The following TBC1D22A variants were observed in gnomAD, a reference collection of about 807,000 sequenced individuals.
TBC1D22A encodes putative GTPase activator.
A neutral mutation model predicts 60.2 loss-of-function variants in TBC1D22A; 38 were observed. The observed-to-expected ratio is 0.63, with a 90% CI of 0.49 to 0.83. The LOEUF is 0.83. Among genes scored for constraint, TBC1D22A ranks in the 40% least tolerant of loss-of-function variants. The pLI, the probability that TBC1D22A is intolerant of heterozygous loss-of-function variation, is 0.00. For missense variants in TBC1D22A, 628 were observed against 701.0 expected (o/e 0.90, Z 1.18); for synonymous variants, 302 against 281.7 (o/e 1.07, Z -0.72).
intron 4 of TBC1D22A, among the ~76,000 whole-genome samples, chr22:46,802,226 G>C (rs948115007): frequency 6.6e-6 from 1 of 152,240 alleles, no homozygotes; most frequent in South Asian, 2.1e-4. Flanking sequence ...TCGGCGGCGA[G>C]GCTTGCGAGG....
At chr22:46,947,340 G>A (rs1267763967) in intron 8 of TBC1D22A, among the ~76,000 whole-genome samples, 2 of 152,160 alleles carry the variant, frequency 1.3e-5, no homozygotes, top group Admixed American at 6.5e-5. Context: ...AGGGTCATCC[G>A]AGTAGAGCCA....
chr22:47,020,794 A>T (rs1179658307), intron 10 of TBC1D22A, among the ~76,000 whole-genome samples: 1 of 151,562 alleles, frequency 6.6e-6, no homozygotes, highest in Non-Finnish European at 1.5e-5. Flanking sequence ...GTCTGAACTT[A>T]ATTCTAATCG....
At chr22:47,087,989 C>T (rs781170243) in intron 11 of TBC1D22A, among the ~76,000 whole-genome samples, 10 of 151,982 alleles carry the variant, frequency 6.6e-5, no homozygotes, top group Non-Finnish European at 1.2e-4. Context: ...AGGAGAATGG[C>T]GAGAACCCGG....
In TBC1D22A at chr22:47,019,368, CCTT is replaced by C. The variant is rs1303028080; in HGVS notation, c.1202-17699_1202-17697del. On this transcript the variant is annotated intron_variant, in intron 10 of 12. Coordinates refer to ENST00000337137, the MANE Select transcript of TBC1D22A (RefSeq NM_014346.5). ...TGGACAGTGATGAGCTAGACAAGGT[CCTT>C]CTTAGGGAACTCTTCTCTGATGAGA... Among the ~76,000 whole-genome samples the C allele has an allele frequency of 8.5e-5, 13 of 152,362 alleles. 1 individual carries two copies. In the East Asian group the frequency reaches 1.5e-3, roughly 18 times the overall value.
At chr22:47,061,501 A>C (rs1457816267) in intron 11 of TBC1D22A, among the ~76,000 whole-genome samples, 1 of 152,020 alleles carries the variant, frequency 6.6e-6, no homozygotes, top group African/African-American at 2.4e-5. Flanking sequence ...AGCAGCTCTC[A>C]CAGAAGCTTC....
chr22:46,885,935 TCTCA>T (rs2147553405), intron 5 of TBC1D22A, among the ~76,000 whole-genome samples: 1 of 143,702 alleles, frequency 7.0e-6, no homozygotes, highest in African/African-American at 2.7e-5. Flanking sequence ...TGAGGCGGAG[TCTCA>T]CTCTGTCGCC....
At chr22:46,951,058 G>A (rs1003334464) in intron 8 of TBC1D22A, among the ~76,000 whole-genome samples, 2 of 152,160 alleles carry the variant, frequency 1.3e-5, no homozygotes, top group Non-Finnish European at 1.5e-5. Flanking sequence ...CAGCACTTCC[G>A]GAGCTTTCAG....
chr22:46,998,460 T>C (rs2075195638), intron 10 of TBC1D22A, among the ~76,000 whole-genome samples: 1 of 152,300 alleles, frequency 6.6e-6, no homozygotes, highest in South Asian at 2.1e-4. Flanking sequence ...AAGAGTCCCA[T>C]GCGCGCTTGG....
intron 11 of TBC1D22A, among the ~76,000 whole-genome samples, chr22:47,060,553 C>G (rs922247500): frequency 2.6e-5 from 4 of 152,188 alleles, no homozygotes; most frequent in African/African-American, 9.7e-5. Context: ...ACCTCAGCCT[C>G]CCGAGTAGCT....
intron 11 of TBC1D22A, among the ~76,000 whole-genome samples, chr22:47,057,972 G>A (rs1053458994): frequency 6.6e-6 from 1 of 152,202 alleles, no homozygotes; most frequent in African/African-American, 2.4e-5. Flanking sequence ...CAGGCCCCAC[G>A]AGGATCTCAG....
chr22:46,856,105 C>A (rs1038064400), intron 4 of TBC1D22A, among the ~76,000 whole-genome samples: 16 of 152,084 alleles, frequency 1.1e-4, no homozygotes, highest in Non-Finnish European at 2.1e-4. Context: ...CCGGGGGCTT[C>A]TAAAGGGTGA....
intron 4 of TBC1D22A, among the ~76,000 whole-genome samples, chr22:46,870,875 T>G (rs1296313275): frequency 6.6e-6 from 1 of 152,134 alleles, no homozygotes; most frequent in East Asian, 1.9e-4. Context: ...CCTAAACACC[T>G]TCCCACAAGG....
intron 4 of TBC1D22A, among the ~76,000 whole-genome samples, chr22:46,813,642 C>G (rs2085473564): frequency 6.6e-6 from 1 of 152,188 alleles, no homozygotes; most frequent in Non-Finnish European, 1.5e-5. Flanking sequence ...TACGGTAGAA[C>G]TAGGGAGGGT....
At chr22:47,090,056 G>A (rs2064855678) in intron 11 of TBC1D22A, among the ~76,000 whole-genome samples, 1 of 152,154 alleles carries the variant, frequency 6.6e-6, no homozygotes, top group Non-Finnish European at 1.5e-5. Context: ...GCCCCGCCGT[G>A]CGCAGCGGTC....
chr22:47,146,143 C>G lies in TBC1D22A; in HGVS notation c.1426-27355C>G, dbSNP rs1471900958. Among the ~76,000 whole-genome samples, 4 of 143,902 alleles carry G rather than the reference C, an allele frequency of 2.8e-5. No individual in the cohort carries two copies. The East Asian group carries it at 8.1e-4, about 29-fold the overall frequency. The allele number at this position is 143,902 out of a possible 152,430, so 94.4% of individuals were successfully genotyped here. On this transcript the variant is annotated intron_variant, in intron 12 of 12. Coordinates refer to ENST00000337137, the MANE Select transcript of TBC1D22A (RefSeq NM_014346.5). ...TGGATTGCTGGTCTGTTTGTGCTGT[C>G]CCTTAAAACAGGGGTTGACTGGGGG...
At chr22:47,169,013 C>T (rs1169886370) in intron 12 of TBC1D22A, among the ~76,000 whole-genome samples, 1 of 152,112 alleles carries the variant, frequency 6.6e-6, no homozygotes, top group African/African-American at 2.4e-5. Flanking sequence ...GGGAGCCTCA[C>T]CTGTTGGAAC....
chr22:46,976,804 C>T (rs1359386012), intron 9 of TBC1D22A, among the ~76,000 whole-genome samples: 1 of 152,194 alleles, frequency 6.6e-6, no homozygotes, highest in Non-Finnish European at 1.5e-5. Context: ...CTTTCAAGGG[C>T]GTGTTTGTTC....
At chr22:47,110,426 C>T (rs1210498698) in intron 11 of TBC1D22A, among the ~76,000 whole-genome samples, 1 of 152,130 alleles carries the variant, frequency 6.6e-6, no homozygotes, top group East Asian at 1.9e-4. Flanking sequence ...TTGCAGTGAG[C>T]CAAGATCACA....
intron 1 of TBC1D22A, among the ~76,000 whole-genome samples, chr22:46,778,532 G>T (rs2083799111): frequency 6.6e-6 from 1 of 151,978 alleles, no homozygotes; most frequent in African/African-American, 2.4e-5. Context: ...ACAGGGTCGG[G>T]ACCGTCAGTG....
Sources: gnomAD v4.1 joint callset for allele counts (sites outside exome capture counted in the v4.1 genomes callset) on GRCh38, gnomAD v4.1.1 for gene constraint, MANE v1.5 for transcripts, NCBI Gene and HGNC (gene_info 2026-07-23, HGNC 2026-07-21) for gene names.